The following TLE4 variants were observed in gnomAD, a reference collection of about 807,000 sequenced individuals.
TLE4 encodes transducin-like enhancer protein 4.
A neutral mutation model predicts 92.8 loss-of-function variants in TLE4; 8 were observed. The observed-to-expected ratio is 0.09, with a 90% CI of 0.05 to 0.16. The LOEUF is 0.16. Ranked by LOEUF, TLE4 falls within the 10% of genes least tolerant of loss-of-function variation. The pLI is 1.00. For synonymous variants in TLE4, 371 were observed against 374.1 expected (o/e 0.99, Z 0.10); for missense variants, 675 against 997.6 (o/e 0.68, Z 4.36).
intron 4 of TLE4, among the ~76,000 whole-genome samples, chr9:79,606,710 CT>C (rs921411114): frequency 6.6e-6 from 1 of 152,048 alleles, no homozygotes; most frequent in Non-Finnish European, 1.5e-5. Flanking sequence ...ATGAACTCGT[CT>C]TTTTTTATGG....
intron 3 of TLE4, among the ~76,000 whole-genome samples, chr9:79,575,317 T>C (rs987483897): frequency 6.6e-6 from 1 of 152,258 alleles, no homozygotes; most frequent in Non-Finnish European, 1.5e-5. Context: ...CTGTATGCTG[T>C]TAACATTGTA....
At chr9:79,582,639 C>CTTT (rs35195007) in intron 4 of TLE4, among the ~76,000 whole-genome samples, 7 of 115,644 alleles carry the variant, frequency 6.1e-5, no homozygotes, top group Admixed American at 8.8e-5. Context: ...TTTAATGTGG[C>CTTT]TTTTTTTTTT....
At chr9:79,686,489 G>A (rs539070615) in intron 8 of TLE4, among the ~76,000 whole-genome samples, 1 of 152,250 alleles carries the variant, frequency 6.6e-6, no homozygotes, top group African/African-American at 2.4e-5. Flanking sequence ...GAGTTAAGAT[G>A]AGGTCATCCG....
At chr9:79,575,899 A>T (rs2037604518) in intron 3 of TLE4, 1 of 351,494 alleles carries the variant, frequency 2.8e-6, no homozygotes, top group Non-Finnish European at 5.1e-6. Context: ...AGATGTTAAG[A>T]ATGCTGTGTT....
At chr9:79,675,935 A>G (rs953143509) in intron 8 of TLE4, among the ~76,000 whole-genome samples, 5 of 152,120 alleles carry the variant, frequency 3.3e-5, no homozygotes, top group Admixed American at 1.3e-4. Flanking sequence ...TAAATGCGCA[A>G]TGAACATTTC....
chr9:79,625,597 T>C (rs2052408395), intron 5 of TLE4, among the ~76,000 whole-genome samples: 1 of 152,082 alleles, frequency 6.6e-6, no homozygotes, highest in Non-Finnish European at 1.5e-5. Context: ...CTGCCATTTC[T>C]CACCATCTAG....
rs1196532313 is a variant in TLE4, at chr9:79,718,953, C to T, written c.1572C>T (p.Val524=). 3.7e-6 allele frequency: 6 copies of T among 1,611,034 alleles called. No individual in the cohort carries two copies. The highest frequency in any genetic ancestry group is 3.3e-5 in the Admixed American group (2 of 59,958). The part of the protein sequence containing the change: ...DISHPGNKSP[V]SQLDCLNRDN... ...GCCACCCAGGCAATAAGAGTCCTGT[C>T]TCCCAGCTCGACTGTCTGGTGAGTG... Residue 524 remains valine (V), a synonymous_variant, in exon 15 of 20, where the codon GTC becomes GTT. Coordinates refer to ENST00000376552, the MANE Select transcript of TLE4 (RefSeq NM_007005.6).
chr9:79,623,117 C>T (rs778936792), intron 5 of TLE4, among the ~76,000 whole-genome samples: 6 of 151,984 alleles, frequency 3.9e-5, no homozygotes, highest in Non-Finnish European at 8.8e-5. Context: ...TACAGGTACC[C>T]ATACTAAACA....
intron 8 of TLE4, among the ~76,000 whole-genome samples, chr9:79,657,010 A>G (rs2059877733): frequency 6.6e-6 from 1 of 152,166 alleles, no homozygotes; most frequent in Admixed American, 6.5e-5. Context: ...TTATTTGCAG[A>G]CCTGTATCTG....
intron 11 of TLE4, among the ~76,000 whole-genome samples, chr9:79,707,628 G>A (rs1325051293): frequency 6.6e-6 from 1 of 152,132 alleles, no homozygotes; most frequent in Non-Finnish European, 1.5e-5. Flanking sequence ...TGTTGGTGTT[G>A]TTTTTTTAAA....
In TLE4 at chr9:79,725,039, C is replaced by A; in HGVS notation, c.2217C>A (p.Ser739=). 1 of 1,611,756 alleles carries A rather than the reference C, an allele frequency of 6.2e-7. No individual in the cohort carries two copies. The highest frequency in any genetic ancestry group is 8.5e-7 in the Non-Finnish European group (1 of 1,178,132). Residue 739 remains serine, a splice_region_variant and synonymous_variant, in exon 20 of 20, where the codon TCC becomes TCA. Coordinates refer to ENST00000376552, the MANE Select transcript of TLE4 (RefSeq NM_007005.6). ...RTPYGASIFQ[S]KESSSVLSCD... ...TTGATTATATGTTTCTTTCCTAGTC[C>A]AAAGAATCCTCATCGGTGCTTAGCT...
At chr9:79,592,256 C>T (rs1266762552) in intron 4 of TLE4, among the ~76,000 whole-genome samples, 4 of 132,894 alleles carry the variant, frequency 3.0e-5, no homozygotes, top group Admixed American at 2.4e-4. Flanking sequence ...CTTCTTCTTT[C>T]TTCTTTCTTC....
At chr9:79,716,556 G>C (rs1472795398) in intron 14 of TLE4, among the ~76,000 whole-genome samples, 3 of 152,174 alleles carry the variant, frequency 2.0e-5, no homozygotes, top group Admixed American at 6.5e-5. Context: ...CCCAGCACCT[G>C]ATGGTAACTG....
chr9:79,707,927 A>G (rs2072141753), intron 11 of TLE4, among the ~76,000 whole-genome samples, 191 bp from the exon 12 acceptor site: 1 of 152,146 alleles, frequency 6.6e-6, no homozygotes, highest in Non-Finnish European at 1.5e-5. Flanking sequence ...TGTCTTCCCA[A>G]ATATTAGGTC....
At chr9:79,649,967 A>G (rs1587811539) in intron 6 of TLE4, 1 of 1,012,666 alleles carries the variant, frequency 9.9e-7, no homozygotes, top group South Asian at 1.5e-5. Context: ...ACAGGCTGGG[A>G]TGCAGTAGCA....
intron 8 of TLE4, among the ~76,000 whole-genome samples, chr9:79,654,715 A>G (rs893410406): frequency 1.3e-5 from 2 of 151,300 alleles, no homozygotes; most frequent in Admixed American, 6.6e-5. Flanking sequence ...GTATGCTTCT[A>G]TACCTCCAGA....
chr9:79,573,864 C>A, intron 2 of TLE4, 78 bp downstream of exon 2: 1 of 1,075,330 alleles, frequency 9.3e-7, no homozygotes, highest in Non-Finnish European at 1.3e-6. Flanking sequence ...AACACTTACC[C>A]TCCTCCTTTT....
intron 8 of TLE4, among the ~76,000 whole-genome samples, chr9:79,663,110 C>T (rs2060811242): frequency 6.6e-6 from 1 of 152,102 alleles, no homozygotes; most frequent in African/African-American, 2.4e-5. Flanking sequence ...TTCCCTCAGC[C>T]TTTTTCACAA....
At chr9:79,666,005 T>G (rs1242398771) in intron 8 of TLE4, among the ~76,000 whole-genome samples, 1 of 152,124 alleles carries the variant, frequency 6.6e-6, no homozygotes, top group African/African-American at 2.4e-5. Context: ...GTTATTTGGT[T>G]TTTGAAAGCA....
Sources: gnomAD v4.1 joint callset for allele counts (sites outside exome capture counted in the v4.1 genomes callset) on GRCh38, gnomAD v4.1.1 for gene constraint, MANE v1.5 for transcripts, NCBI Gene and HGNC (gene_info 2026-07-23, HGNC 2026-07-21) for gene names.